Variants in SPATA16 observed in about 807,000 individuals in gnomAD.
SPATA16 encodes the protein spermatogenesis associated 16.
SPATA16 carries 36 observed loss-of-function variants against 63.3 expected under a neutral mutation model. That is an observed-to-expected ratio of 0.57 (90% CI 0.44 to 0.75). The LOEUF (loss-of-function observed/expected upper bound fraction) is 0.75, where lower values mean the gene tolerates loss of function less well. Among genes scored for constraint, SPATA16 ranks in the 30% least tolerant of loss-of-function variants. The pLI, the probability that SPATA16 is intolerant of heterozygous loss-of-function variation, is 0.00. For missense variants in SPATA16, 646 were observed against 679.3 expected (o/e 0.95, Z 0.54); for synonymous variants, 203 against 216.7 (o/e 0.94, Z 0.56).
intron 10 of SPATA16, among the ~76,000 whole-genome samples, chr3:172,913,099 A>G (rs963399312): frequency 4.6e-5 from 7 of 152,106 alleles, no homozygotes; most frequent in African/African-American, 1.4e-4. Flanking sequence ...TAACTTTCAC[A>G]TTTTCAGAGG....
At chr3:172,915,330 T>C (rs1732455546) in intron 9 of SPATA16, among the ~76,000 whole-genome samples, 1 of 152,172 alleles carries the variant, frequency 6.6e-6, no homozygotes, top group South Asian at 2.1e-4. Context: ...AACATGCTTT[T>C]AGCAGGTTTA....
intron 10 of SPATA16, among the ~76,000 whole-genome samples, chr3:172,893,223 G>A (rs75863469): frequency 0.093 from 14,122 of 152,120 alleles, 722 homozygotes; most frequent in African/African-American, 0.13. Flanking sequence ...GGGTATTTAC[G>A]TAGCTAATCA....
At chr3:172,993,427 T>C (rs1734627175) in intron 4 of SPATA16, among the ~76,000 whole-genome samples, 1 of 152,044 alleles carries the variant, frequency 6.6e-6, no homozygotes. Flanking sequence ...GGTGGTCCTC[T>C]AAGCCTTCCA....
At chr3:173,072,429 A>G (rs1398172672) in intron 2 of SPATA16, among the ~76,000 whole-genome samples, 1 of 152,200 alleles carries the variant, frequency 6.6e-6, no homozygotes, top group Non-Finnish European at 1.5e-5. Flanking sequence ...CTCATCTTGA[A>G]TTTTAGCTCC....
At chr3:172,980,772 A>C (rs1423811683) in intron 4 of SPATA16, among the ~76,000 whole-genome samples, 1 of 152,200 alleles carries the variant, frequency 6.6e-6, no homozygotes, top group Non-Finnish European at 1.5e-5. Context: ...TCCTTTTAAA[A>C]ACAAAACAAA....
intron 3 of SPATA16, among the ~76,000 whole-genome samples, chr3:173,021,801 T>A (rs1577135732): frequency 1.3e-5 from 2 of 152,086 alleles, no homozygotes; most frequent in East Asian, 3.9e-4. Flanking sequence ...TACTCCCTAT[T>A]ACTTTATTCA....
intron 1 of SPATA16, among the ~76,000 whole-genome samples, chr3:173,122,729 G>A (rs1310643344): frequency 6.6e-6 from 1 of 152,186 alleles, no homozygotes; most frequent in Admixed American, 6.5e-5. Context: ...ACCGAGACAG[G>A]GGTCTTGGCA....
chr3:172,921,002 T>C (rs551219623), intron 8 of SPATA16, among the ~76,000 whole-genome samples: 28 of 152,194 alleles, frequency 1.8e-4, no homozygotes, highest in Admixed American at 4.6e-4. Flanking sequence ...TCTGAACATA[T>C]ATGGTATGAG....
intron 1 of SPATA16, among the ~76,000 whole-genome samples, chr3:173,126,151 A>G (rs373167781): frequency 6.6e-6 from 1 of 152,168 alleles, no homozygotes; most frequent in Non-Finnish European, 1.5e-5. Context: ...TAAATAATTT[A>G]TCTTATTCTT....
intron 3 of SPATA16, among the ~76,000 whole-genome samples, chr3:173,039,137 G>C (rs114314631): frequency 0.015 from 2,353 of 152,062 alleles, 59 homozygotes; most frequent in African/African-American, 0.053. Context: ...ACTTACATGT[G>C]TTAGAACTTT....
chr3:172,947,369 C>T (rs1349922063), intron 6 of SPATA16, among the ~76,000 whole-genome samples: 3 of 152,108 alleles, frequency 2.0e-5, no homozygotes, highest in Non-Finnish European at 2.9e-5. Flanking sequence ...AACATGACCT[C>T]ACCAAACAAT....
intron 2 of SPATA16, among the ~76,000 whole-genome samples, chr3:173,113,805 T>C (rs73030986): frequency 6.6e-5 from 10 of 152,160 alleles, no homozygotes; most frequent in Admixed American, 2.0e-4. Context: ...TTCTGTTTCT[T>C]TTTTGTGGTC....
At chr3:172,924,544 G>A (rs1451510823) in intron 7 of SPATA16, among the ~76,000 whole-genome samples, 2 of 152,102 alleles carry the variant, frequency 1.3e-5, no homozygotes, top group Non-Finnish European at 2.9e-5. Flanking sequence ...ATTTTGTTGT[G>A]TTTCTTGATT....
intron 2 of SPATA16, among the ~76,000 whole-genome samples, chr3:173,087,414 G>C (rs1737086307): frequency 6.6e-6 from 1 of 152,260 alleles, no homozygotes; most frequent in South Asian, 2.1e-4. Context: ...GAGCCTATGT[G>C]TGTCTTTGTA....
chr3:173,041,343 A>G (rs1327202054), intron 3 of SPATA16, among the ~76,000 whole-genome samples: 2 of 152,188 alleles, frequency 1.3e-5, no homozygotes, highest in African/African-American at 2.4e-5. Flanking sequence ...TCAGTAATCT[A>G]TGAATCACAG....
intron 10 of SPATA16, among the ~76,000 whole-genome samples, chr3:172,906,106 C>G (rs1412596327): frequency 6.6e-6 from 1 of 152,106 alleles, no homozygotes; most frequent in Non-Finnish European, 1.5e-5. Context: ...GATTCTATGA[C>G]AAGAAGAAAT....
chr3:172,939,872 G>A (rs1056011838), intron 6 of SPATA16, among the ~76,000 whole-genome samples: 1 of 152,222 alleles, frequency 6.6e-6, no homozygotes, highest in African/African-American at 2.4e-5. Context: ...TGTGATTAGA[G>A]GCTTGGAATG....
rs561486135 is a variant in SPATA16, at chr3:172,905,723, G to A, written c.1587+7938C>T. Among the ~76,000 whole-genome samples, 652 of 146,168 alleles carry A rather than the reference G, an allele frequency of 4.5e-3. 5 individuals are homozygous for A. The highest frequency in any genetic ancestry group is 0.016 in the African/African-American group (617 of 39,086). On this transcript the variant is annotated intron_variant, in intron 10 of 10. Coordinates refer to ENST00000351008, the MANE Select transcript of SPATA16 (RefSeq NM_031955.6). ...ATTTTGAGGTTAAAAAGGAACACAA[G>A]AAGCAAAATAATTTTGAATAAATTC...
intron 3 of SPATA16, among the ~76,000 whole-genome samples, chr3:173,044,169 AT>A (rs1735906749): frequency 6.6e-6 from 1 of 151,982 alleles, no homozygotes. Context: ...ATTATTTTTT[AT>A]ATCCTATTTT....
Sources: allele counts gnomAD v4.1 joint callset (sites outside exome capture counted in the v4.1 genomes callset), GRCh38; gene constraint gnomAD v4.1.1; transcripts MANE v1.5; gene names NCBI Gene and HGNC (gene_info 2026-07-23, HGNC 2026-07-21).